Variants in PPARG observed in about 807,000 individuals in gnomAD.
PPARG encodes the protein peroxisome proliferator activated receptor gamma.
A neutral mutation model predicts 39.2 loss-of-function variants in PPARG; 17 were observed. The observed-to-expected ratio is 0.43, with a 90% confidence interval of 0.30 to 0.65. PPARG has a LOEUF of 0.65. Ranked by LOEUF, PPARG falls within the 30% of genes least tolerant of loss-of-function variation. The probability of loss-of-function intolerance (pLI) is 0.13; values close to 1 mark genes in which losing one functional copy is unlikely to be tolerated. For synonymous variants in PPARG, 223 were observed against 215.7 expected (o/e 1.03, Z -0.30); for missense variants, 406 against 585.9 (o/e 0.69, Z 3.17).
intron 5 of PPARG, among the ~76,000 whole-genome samples, chr3:12,401,556 A>G (rs1256753844): frequency 6.6e-6 from 1 of 152,154 alleles, no homozygotes; most frequent in African/African-American, 2.4e-5. Context: ...AAAGCAACGA[A>G]ATAATAAAAC....
intron 7 of PPARG, among the ~76,000 whole-genome samples, chr3:12,424,760 G>T (rs2051379879): frequency 6.6e-6 from 1 of 152,158 alleles, no homozygotes; most frequent in South Asian, 2.1e-4. Context: ...CCATTGCAAA[G>T]CCCTGGAATC....
intron 3 of PPARG, among the ~76,000 whole-genome samples, chr3:12,381,039 T>C (rs1232260943): frequency 6.6e-6 from 1 of 152,212 alleles, no homozygotes; most frequent in Non-Finnish European, 1.5e-5. Context: ...ATGTTGTCTG[T>C]TACAGCTGTA....
chr3:12,353,473 C>T (rs1421770816), intron 2 of PPARG, among the ~76,000 whole-genome samples: 1 of 152,146 alleles, frequency 6.6e-6, no homozygotes. Context: ...TTAGCCGAGG[C>T]CAGCAGAGTT....
rs2046603407 is a variant in PPARG at position 12,289,755 on chromosome 3, TAAAG to T, written c.-83+625_-83+628del. Among the ~76,000 whole-genome samples, 5 of 152,328 alleles carry T rather than the reference TAAAG, an allele frequency of 3.3e-5. No individual in the cohort carries two copies. The South Asian group carries it at 1.0e-3, about 32-fold the overall frequency. On this transcript the variant is annotated intron_variant, in intron 1 of 7. Coordinates refer to ENST00000651735, the MANE Select transcript of PPARG (RefSeq NM_138711.6). The stretch of plus-strand genomic sequence containing the variant: ...TGGACATTCACTGTGGCTTTTCTCT[TAAAG>T]AAATACCTTTCACTCCTAGGGGAGT...
intron 7 of PPARG, among the ~76,000 whole-genome samples, chr3:12,420,921 T>C (rs2051238535): frequency 6.6e-6 from 1 of 152,188 alleles, no homozygotes; most frequent in Non-Finnish European, 1.5e-5. Context: ...TCCCCTGAGC[T>C]TGGGGGCAAG....
At chr3:12,316,879 A>G (rs2047403488) in intron 2 of PPARG, among the ~76,000 whole-genome samples, 1 of 152,178 alleles carries the variant, frequency 6.6e-6, no homozygotes, top group African/African-American at 2.4e-5. Flanking sequence ...GGGTTAATTT[A>G]TAACTAAGAC....
At chr3:12,430,586 A>T (rs1234928574) in intron 7 of PPARG, among the ~76,000 whole-genome samples, 1 of 152,238 alleles carries the variant, frequency 6.6e-6, no homozygotes, top group Non-Finnish European at 1.5e-5. Context: ...TGAAGATTAA[A>T]TGGCATATCG....
chr3:12,382,300 G>A (rs115984321), intron 4 of PPARG, among the ~76,000 whole-genome samples: 2,002 of 152,166 alleles, frequency 0.013, 58 homozygotes, highest in African/African-American at 0.046. Context: ...GGAAAATTCA[G>A]ACGTTTAGTA....
At chr3:12,304,179 G>A (rs1008808745) in intron 1 of PPARG, among the ~76,000 whole-genome samples, 1 of 152,200 alleles carries the variant, frequency 6.6e-6, no homozygotes, top group Non-Finnish European at 1.5e-5. Flanking sequence ...ATAAATTGCA[G>A]TCAAGCTGCT....
At chr3:12,342,123 A>G (rs1485443654) in intron 2 of PPARG, among the ~76,000 whole-genome samples, 1 of 152,192 alleles carries the variant, frequency 6.6e-6, no homozygotes, top group African/African-American at 2.4e-5. Context: ...TAGGAAGTAC[A>G]CATCCCCTAT....
intron 2 of PPARG, among the ~76,000 whole-genome samples, chr3:12,358,329 A>G (rs2048731817): frequency 6.6e-6 from 1 of 152,204 alleles, no homozygotes; most frequent in African/African-American, 2.4e-5. Flanking sequence ...AATATCTAAT[A>G]TATGAAGCAC....
intron 7 of PPARG, among the ~76,000 whole-genome samples, chr3:12,427,680 A>C (rs2051500078): frequency 6.6e-6 from 1 of 152,204 alleles, no homozygotes; most frequent in Non-Finnish European, 1.5e-5. Flanking sequence ...GAGAAACAGG[A>C]CTCAAGTCTT....
chr3:12,296,883 T>C (rs912769716), intron 1 of PPARG, among the ~76,000 whole-genome samples: 2 of 152,248 alleles, frequency 1.3e-5, no homozygotes, highest in Admixed American at 1.3e-4. Flanking sequence ...AGTTTAATAA[T>C]AGTAGAAAAT....
intron 1 of PPARG, among the ~76,000 whole-genome samples, chr3:12,299,615 G>A (rs1390575661): frequency 6.6e-6 from 1 of 152,002 alleles, no homozygotes; most frequent in Non-Finnish European, 1.5e-5. Context: ...AATGACAAGA[G>A]GATTATTCAC....
chr3:12,396,883 C>G (rs2050282682), intron 5 of PPARG, among the ~76,000 whole-genome samples: 1 of 150,302 alleles, frequency 6.7e-6, no homozygotes, highest in Non-Finnish European at 1.5e-5. Context: ...TTAAAATTTT[C>G]TGTATTTATT....
At chr3:12,380,503 T>C (rs574179117) in intron 3 of PPARG, among the ~76,000 whole-genome samples, 3 of 152,284 alleles carry the variant, frequency 2.0e-5, no homozygotes, top group African/African-American at 7.2e-5. Flanking sequence ...AACTGCACTT[T>C]TTGAGATAAA....
intron 4 of PPARG, among the ~76,000 whole-genome samples, chr3:12,385,543 AG>A (rs1404207281): frequency 6.6e-6 from 1 of 152,104 alleles, no homozygotes; most frequent in East Asian, 1.9e-4. Flanking sequence ...TACATGTTGG[AG>A]ATATATTTTT....
At chr3:12,422,160 A>C (rs765410815) in intron 7 of PPARG, among the ~76,000 whole-genome samples, 4 of 152,244 alleles carry the variant, frequency 2.6e-5, no homozygotes, top group Non-Finnish European at 5.9e-5. Flanking sequence ...TAAGTTATTC[A>C]ATAAATGCTT....
intron 5 of PPARG, among the ~76,000 whole-genome samples, chr3:12,393,056 G>A (rs1283815017): frequency 6.6e-6 from 1 of 152,092 alleles, no homozygotes; most frequent in Non-Finnish European, 1.5e-5. Context: ...TTTTTATATT[G>A]CCTCATGCAT....
Sources: gnomAD v4.1 joint callset for allele counts (sites outside exome capture counted in the v4.1 genomes callset) on GRCh38, gnomAD v4.1.1 for gene constraint, MANE v1.5 for transcripts, NCBI Gene and HGNC (gene_info 2026-07-23, HGNC 2026-07-21) for gene names.